MTBP: variants seen among roughly 807,000 people sequenced by gnomAD.
MTBP encodes the protein mdm2-binding protein.
A neutral mutation model predicts 117.0 loss-of-function variants in MTBP; 101 were observed. The ratio of observed to expected loss-of-function variants is 0.86; its 90% confidence interval spans 0.73 to 1.02. MTBP has a LOEUF of 1.02. Ranked by LOEUF, MTBP falls within the 50% of genes least tolerant of loss-of-function variation. The pLI, the probability that MTBP is intolerant of heterozygous loss-of-function variation, is 0.00. For synonymous variants in MTBP, 350 were observed against 351.5 expected, an observed-to-expected ratio of 1.00 and a Z score of 0.05; for missense variants, 970 against 1,030.9, an observed-to-expected ratio of 0.94 and a Z score of 0.81.
chr8:120,477,256 A>G (rs935710494), intron 11 of MTBP, among the ~76,000 whole-genome samples: 54 of 152,330 alleles, frequency 3.5e-4, no homozygotes, highest in Non-Finnish European at 1.0e-4. Context: ...TTAACTCAAG[A>G]TGGATTAAAG....
intron 14 of MTBP, among the ~76,000 whole-genome samples, chr8:120,500,299 G>A (rs1049932674): frequency 6.6e-6 from 1 of 152,114 alleles, no homozygotes; most frequent in African/African-American, 2.4e-5. Flanking sequence ...TTTATTGTAA[G>A]AATTGTATTA....
chr8:120,448,839 T>C (rs979687415), intron 2 of MTBP, among the ~76,000 whole-genome samples: 3 of 152,196 alleles, frequency 2.0e-5, no homozygotes, highest in African/African-American at 7.2e-5. Flanking sequence ...ACTAGGATTA[T>C]TGATTTCAGT....
chr8:120,468,719 T>C (rs1813751442), intron 10 of MTBP, among the ~76,000 whole-genome samples: 1 of 152,146 alleles, frequency 6.6e-6, no homozygotes, highest in Non-Finnish European at 1.5e-5. Flanking sequence ...TTGGTGCATC[T>C]CATCGATTTG....
intron 13 of MTBP, among the ~76,000 whole-genome samples, chr8:120,491,775 A>C (rs1814352136): frequency 6.6e-6 from 1 of 151,992 alleles, no homozygotes; most frequent in Non-Finnish European, 1.5e-5. Context: ...ATTCATCTTC[A>C]CCTCTGTTCC....
At chr8:120,474,532 C>T (rs1011111514) in intron 11 of MTBP, among the ~76,000 whole-genome samples, 11 of 152,030 alleles carry the variant, frequency 7.2e-5, no homozygotes, top group African/African-American at 2.4e-4. Context: ...GACTCTGTTT[C>T]TCCACAATCT....
chr8:120,461,912 G>A (rs553620607), intron 9 of MTBP, among the ~76,000 whole-genome samples: 1 of 152,084 alleles, frequency 6.6e-6, no homozygotes, highest in South Asian at 2.1e-4. Flanking sequence ...GATTATGTCA[G>A]CCTAAATCAA....
rs887952585 is a variant in MTBP, at chr8:120,523,505, G to A, written c.*169G>A. ...TATTCTATATTTGTATAGTTTGAGG[G>A]ATGCTATGTTAATGTATTTTTAATT... On this transcript the variant is annotated 3_prime_UTR_variant, in exon 22 of 22. Transcript: ENST00000305949. The A allele has an allele frequency of 2.8e-6, 1 of 362,068 alleles. No homozygotes were observed. Among genetic ancestry groups the A allele is most frequent in the African/African-American group, 2.1e-5 (1 of 47,392 alleles). 22.4% of individuals were successfully genotyped at this position (362,068 alleles called of 1,614,324 possible). A position where few individuals can be genotyped will look rare whatever the true frequency, so the allele number is the denominator to read the frequency against.
intron 11 of MTBP, among the ~76,000 whole-genome samples, chr8:120,479,704 T>G (rs7004725): frequency 0.53 from 80,493 of 152,058 alleles, 24,588 homozygotes; most frequent in Non-Finnish European, 0.67. Flanking sequence ...CTGAGAGATC[T>G]CTCAACTATT....
chr8:120,491,330 C>T (rs181106830), intron 13 of MTBP, among the ~76,000 whole-genome samples: 8 of 152,140 alleles, frequency 5.3e-5, no homozygotes, highest in East Asian at 3.9e-4. Context: ...ATTGTGAATT[C>T]AGTAGCCTAC....
chr8:120,461,695 G>A (rs1004804790), intron 9 of MTBP, among the ~76,000 whole-genome samples: 9 of 151,950 alleles, frequency 5.9e-5, no homozygotes, highest in African/African-American at 1.4e-4. Context: ...ACACCACCAC[G>A]TATATATTTT....
chr8:120,458,356 T>C (rs1000264378), intron 7 of MTBP, among the ~76,000 whole-genome samples: 2 of 152,206 alleles, frequency 1.3e-5, no homozygotes, highest in Non-Finnish European at 2.9e-5. Flanking sequence ...TCCTATCGCA[T>C]AGATTTTTGT....
chr8:120,520,225 G>T (rs1219555331), intron 20 of MTBP, among the ~76,000 whole-genome samples: 1 of 152,002 alleles, frequency 6.6e-6, no homozygotes, highest in Non-Finnish European at 1.5e-5. Flanking sequence ...ATAGAAAGAA[G>T]ATAATCGCAT....
intron 11 of MTBP, among the ~76,000 whole-genome samples, chr8:120,477,353 A>G (rs976431927): frequency 6.6e-6 from 1 of 152,230 alleles, no homozygotes; most frequent in Admixed American, 6.5e-5. Context: ...CAAAGACTTC[A>G]TGAGTAAAAC....
chr8:120,461,947 A>G (rs1729852236), intron 9 of MTBP, among the ~76,000 whole-genome samples: 1 of 152,168 alleles, frequency 6.6e-6, no homozygotes, highest in Non-Finnish European at 1.5e-5. Context: ...TCTTATTGAA[A>G]GTTCTTTGCT....
chr8:120,512,925 G>A (rs1814843458), intron 17 of MTBP, among the ~76,000 whole-genome samples: 1 of 152,004 alleles, frequency 6.6e-6, no homozygotes, highest in African/African-American at 2.4e-5. Flanking sequence ...TACAAAGAAA[G>A]TTCTCTTACG....
intron 13 of MTBP, among the ~76,000 whole-genome samples, chr8:120,494,272 T>G (rs1265195384): frequency 6.6e-6 from 1 of 152,236 alleles, no homozygotes; most frequent in African/African-American, 2.4e-5. Context: ...GGCAGTAAGC[T>G]CTTAAAATTA....
intron 12 of MTBP, among the ~76,000 whole-genome samples, chr8:120,490,122 A>G (rs994982528): frequency 5.9e-5 from 9 of 152,136 alleles, no homozygotes; most frequent in South Asian, 2.1e-4. Flanking sequence ...GGTTCATTCA[A>G]TGGCTTTTGG....
chr8:120,470,490 A>G (rs1007660751), intron 10 of MTBP, among the ~76,000 whole-genome samples: 7 of 152,228 alleles, frequency 4.6e-5, no homozygotes, highest in Non-Finnish European at 8.8e-5. Flanking sequence ...ACTGTTTTGT[A>G]TATATACAAA....
At chr8:120,451,523 G>C (rs924868156) in intron 4 of MTBP, 1 of 485,248 alleles carries the variant, frequency 2.1e-6, no homozygotes, top group African/African-American at 2.0e-5. Context: ...ATAATGTCAA[G>C]AATCATAAAA....
Sources: gnomAD v4.1 joint callset for allele counts (sites outside exome capture counted in the v4.1 genomes callset) on GRCh38, gnomAD v4.1.1 for gene constraint, MANE v1.5 for transcripts, NCBI Gene and HGNC (gene_info 2026-07-23, HGNC 2026-07-21) for gene names.